C17orf99: variants seen among roughly 807,000 people sequenced by gnomAD.
The protein encoded by C17orf99 is chromosome 17 open reading frame 99, also known as protein IL-40.
In C17orf99, 18 loss-of-function variants were observed where a neutral mutation model predicts 22.6. The ratio of observed to expected loss-of-function variants is 0.80; its 90% CI spans 0.55 to 1.18. The LOEUF is 1.18. Ranked by LOEUF, C17orf99 falls within the 50% of genes most tolerant of loss-of-function variation. The pLI is 0.00. For synonymous variants in C17orf99, 147 were observed against 136.6 expected, an observed-to-expected ratio of 1.08 and a Z score of -0.53; for missense variants, 328 against 342.7, an observed-to-expected ratio of 0.96 and a Z score of 0.34.
At chr17:78,161,361 G>A in intron 3 of C17orf99, 107 bp downstream of exon 3, 2 of 977,714 alleles carry the variant, frequency 2.0e-6, no homozygotes, top group South Asian at 3.2e-5. Context: ...AGAGAGCCAG[G>A]GTGTGAGGGT....
chr17:78,157,591 G>A (rs1370799821), intron 2 of C17orf99: 7 of 572,732 alleles, frequency 1.2e-5, no homozygotes, highest in Non-Finnish European at 2.0e-5. Context: ...AAGGTCAGGA[G>A]ATCGAAACCA....
chr17:78,163,027 C>T (rs112363877), intron 3 of C17orf99, among the ~76,000 whole-genome samples: 20,679 of 152,188 alleles, frequency 0.14, 1,949 homozygotes, highest in East Asian at 0.41. Context: ...TCAAGTGATC[C>T]ACCTACCTAG....
intron 2 of C17orf99, among the ~76,000 whole-genome samples, chr17:78,159,828 C>CATG (rs1484686094): frequency 6.6e-6 from 1 of 152,162 alleles, no homozygotes; most frequent in Non-Finnish European, 1.5e-5. Flanking sequence ...GCAACCGTTG[C>CATG]CCTTTGCGTC....
At chr17:78,156,907 G>A (rs2075529488) in intron 2 of C17orf99, among the ~76,000 whole-genome samples, 1 of 150,028 alleles carries the variant, frequency 6.7e-6, no homozygotes, top group East Asian at 1.9e-4. Flanking sequence ...TGGCCACCGT[G>A]CCTGGACACA....
At chr17:78,160,099 G>A (rs973543991) in intron 2 of C17orf99, 4 of 456,082 alleles carry the variant, frequency 8.8e-6, no homozygotes, top group African/African-American at 8.0e-5. Context: ...GAATTGTTGA[G>A]TCATATGGTA....
At chr17:78,146,070 G>A (rs2075435545), upstream of C17orf99, among the ~76,000 whole-genome samples, 1 of 152,244 alleles carries the variant, frequency 6.6e-6, no homozygotes, top group Non-Finnish European at 1.5e-5. The surrounding 1 kb of genome is among the most constrained non-coding windows in gnomAD (Gnocchi z 5.2). Context: ...TTACAGGTGT[G>A]AGCCACTGTG....
chr17:78,160,813 C>A (rs1433498249), intron 2 of C17orf99, 142 bp from the exon 3 acceptor site: 3 of 658,376 alleles, frequency 4.6e-6, no homozygotes, highest in African/African-American at 3.6e-5. Flanking sequence ...GAACTCCTGA[C>A]CTCAAGTGAT....
chr17:78,148,629 G>C (rs1312613617), intron 2 of C17orf99, among the ~76,000 whole-genome samples: 1 of 152,122 alleles, frequency 6.6e-6, no homozygotes, highest in Non-Finnish European at 1.5e-5. Context: ...TGCAGGGGAG[G>C]GTGGAGTTTG....
intron 2 of C17orf99, among the ~76,000 whole-genome samples, chr17:78,152,118 T>C (rs1042381966): frequency 6.6e-6 from 1 of 152,188 alleles, no homozygotes; most frequent in Non-Finnish European, 1.5e-5. Flanking sequence ...AAATTTTGAG[T>C]GTGCCATCCC....
Position 78,165,947 on chromosome 17 carries a change from G to C in C17orf99, c.699G>C (p.Leu233Phe). 1 of 1,485,958 alleles carries C rather than the reference G, an allele frequency of 6.7e-7. No homozygotes were observed. The highest frequency in any genetic ancestry group is 1.4e-5 in the African/African-American group (1 of 72,014). 92.0% of individuals were successfully genotyped at this position (1,485,958 alleles called of 1,614,324 possible). Residue 233 changes from leucine (L) to phenylalanine (F), a missense_variant, in exon 5 of 5, where the codon TTG becomes TTC. Coordinates refer to ENST00000340363, the MANE Select transcript of C17orf99 (RefSeq NM_001163075.2). Reference sequence around the variant, plus strand: ...CCCTGGAGAGCCCCATCCTTGCCTTGCCGCTCTACAGGAGCACCCGCCGTC... The same window carrying C: ...CCCTGGAGAGCCCCATCCTTGCCTTCCCGCTCTACAGGAGCACCCGCCGTC... ...QGPLESPILA[L>F]PLYRSTRRLS...
intron 2 of C17orf99, among the ~76,000 whole-genome samples, chr17:78,154,884 T>C (rs2075513372): frequency 6.6e-6 from 1 of 151,958 alleles, no homozygotes; most frequent in East Asian, 1.9e-4. Context: ...AGGAGAGTTA[T>C]CATGAAATTT....
chr17:78,147,066 C>T (rs2075443132), intron 2 of C17orf99, among the ~76,000 whole-genome samples, 155 bp downstream of exon 2: 1 of 152,138 alleles, frequency 6.6e-6, no homozygotes, highest in Non-Finnish European at 1.5e-5. Context: ...CTCTCTTCAC[C>T]CTGCAGGGCC....
chr17:78,163,054 G>A (rs1178491213), intron 3 of C17orf99, among the ~76,000 whole-genome samples: 4 of 152,162 alleles, frequency 2.6e-5, no homozygotes, highest in Admixed American at 6.5e-5. Context: ...TAAAGTGCTG[G>A]GATTATAGGC....
In C17orf99 at chr17:78,157,465, C is replaced by T. The variant is rs2075535719; in HGVS notation, c.71-3490C>T. The stretch of plus-strand genomic sequence containing the variant: ...GACTTCGAGACAGGAGATGCAGGGC[C>T]TCAGCGACCTTCCCAATGCAGTCCT... On this transcript the variant is annotated intron_variant, in intron 2 of 4. Coordinates refer to ENST00000340363, the MANE Select transcript of C17orf99 (RefSeq NM_001163075.2). 3.8e-6 allele frequency: 5 copies of T among 1,309,876 alleles called. No homozygotes were observed. In the South Asian group the frequency reaches 5.8e-5, roughly 15 times the overall value. The allele number at this position is 1,309,876 out of a possible 1,614,324, so 81.1% of individuals were successfully genotyped here.
At chr17:78,146,344 G>C (rs1555595945), upstream of C17orf99, 1 of 1,476,926 alleles carries the variant, frequency 6.8e-7, no homozygotes, top group Non-Finnish European at 9.2e-7. The surrounding 1 kb of genome is among the most constrained non-coding windows in gnomAD (Gnocchi z 5.2). Context: ...GGGCCTCAGG[G>C]TGGGGGAGGC....
intron 3 of C17orf99, among the ~76,000 whole-genome samples, chr17:78,162,254 T>C (rs2145798374): frequency 7.3e-6 from 1 of 137,208 alleles, no homozygotes; most frequent in East Asian, 2.2e-4. Flanking sequence ...CCAGCCTGGG[T>C]GACAGCGTAA....
upstream of C17orf99, among the ~76,000 whole-genome samples, chr17:78,146,069 TG>T (rs2075435563): frequency 6.6e-6 from 1 of 152,136 alleles, no homozygotes; most frequent in Non-Finnish European, 1.5e-5. The surrounding 1 kb of genome is among the most constrained non-coding windows in gnomAD (Gnocchi z 5.2). Context: ...ATTACAGGTG[TG>T]AGCCACTGTG....
intron 4 of C17orf99, chr17:78,165,477 G>T: frequency 1.0e-6 from 1 of 985,956 alleles, no homozygotes. Context: ...TGTCTCTTCT[G>T]CTGGGGCACT....
At chr17:78,159,428 C>T (rs545756810) in intron 2 of C17orf99, among the ~76,000 whole-genome samples, 119 of 152,184 alleles carry the variant, frequency 7.8e-4, no homozygotes, top group Non-Finnish European at 1.2e-3. Context: ...CACCTGAGGT[C>T]TCGAGTTCAA....
Sources: gnomAD v4.1 joint callset for allele counts (sites outside exome capture counted in the v4.1 genomes callset) on GRCh38, gnomAD v4.1.1 for gene constraint, Gnocchi (gnomAD v3.1) non-coding constraint, MANE v1.5 for transcripts, NCBI Gene and HGNC (gene_info 2026-07-23, HGNC 2026-07-21) for gene names.